FAT3: variants seen among roughly 807,000 people sequenced by gnomAD.
FAT3 encodes the protein FAT atypical cadherin 3.
In FAT3, 95 loss-of-function variants were observed where a neutral mutation model predicts 310.2. The observed-to-expected ratio is 0.31, with a 90% CI of 0.26 to 0.36. The LOEUF is 0.36. Among genes scored for constraint, FAT3 ranks in the 10% least tolerant of loss-of-function variants. The pLI is 1.00. For missense variants in FAT3, 5,408 were observed against 5,715.6 expected, an observed-to-expected ratio of 0.95 and a Z score of 1.74; for synonymous variants, 2,314 against 2,192.9, an observed-to-expected ratio of 1.06 and a Z score of -1.54.
intron 3 of FAT3, among the ~76,000 whole-genome samples, chr11:92,568,382 G>T (rs553527629): frequency 7.9e-6 from 1 of 125,986 alleles, no homozygotes; most frequent in Admixed American, 8.7e-5. Context: ...ATGGCATGAT[G>T]AGATAGTGGA....
intron 2 of FAT3, among the ~76,000 whole-genome samples, chr11:92,457,511 A>G (rs1474356295): frequency 2.0e-5 from 3 of 152,192 alleles, no homozygotes; most frequent in Non-Finnish European, 2.9e-5. Flanking sequence ...AAGAAAAACA[A>G]ACCAATGAAC....
chr11:92,805,651 A>G (rs913817048), intron 11 of FAT3, among the ~76,000 whole-genome samples: 39 of 152,240 alleles, frequency 2.6e-4, no homozygotes, highest in African/African-American at 7.7e-4. Context: ...TATTCTGTTT[A>G]AATCACTGAT....
intron 2 of FAT3, among the ~76,000 whole-genome samples, chr11:92,392,155 T>G (rs1050242392): frequency 2.0e-5 from 3 of 152,158 alleles, no homozygotes; most frequent in African/African-American, 7.2e-5. Context: ...TGGGGAGACA[T>G]GCACGCACGC....
In FAT3 at chr11:92,352,364, G is replaced by A; in HGVS notation, c.252G>A (p.Val84=). The A allele has an allele frequency of 3.1e-6, 5 of 1,601,832 alleles. No homozygotes were observed. Among genetic ancestry groups the A allele is most frequent in the Non-Finnish European group, 4.3e-6 (5 of 1,172,908 alleles). ...DLSWDIKYRI[V]SGDEEGFFKA... ...CCTGGGATATCAAATACAGAATAGTGTCCGGAGACGAGGAAGGCTTTTTCA... is the reference window on the plus strand; with the variant it reads ...CCTGGGATATCAAATACAGAATAGTATCCGGAGACGAGGAAGGCTTTTTCA... The change falls in exon 2 of 28, where the codon GTG becomes GTA. Residue 84 remains valine, a synonymous_variant. Coordinates refer to ENST00000525166, the MANE Select transcript of FAT3 (RefSeq NM_001367949.2).
intron 3 of FAT3, among the ~76,000 whole-genome samples, chr11:92,546,616 A>G (rs1162134685): frequency 1.3e-5 from 2 of 152,222 alleles, no homozygotes; most frequent in African/African-American, 4.8e-5. Flanking sequence ...ATGACCGTAC[A>G]TAGTGAAGCA....
chr11:92,352,611 A>T lies in FAT3; in HGVS notation c.499A>T (p.Ile167Leu). ...LFSPTTYSVT[I>L]AESTPLRTSV... Reference sequence around the variant, plus strand: ...TTCACCCACAACATACTCTGTTACCATAGCAGAAAGCACACCTCTAAGGAC... The same window carrying T: ...TTCACCCACAACATACTCTGTTACCTTAGCAGAAAGCACACCTCTAAGGAC... The change falls in exon 2 of 28, where the codon ATA becomes TTA. Residue 167 changes from isoleucine to leucine, a missense_variant. By Grantham distance (5) the Ile-to-Leu change is conservative. Coordinates refer to ENST00000525166, the MANE Select transcript of FAT3 (RefSeq NM_001367949.2). The T allele has an allele frequency of 6.2e-7, 1 of 1,613,876 alleles. No individual in the cohort carries two copies. The highest frequency in any genetic ancestry group is 1.1e-5 in the South Asian group (1 of 91,088).
intron 1 of FAT3, among the ~76,000 whole-genome samples, chr11:92,311,858 G>A (rs559921609): frequency 4.2e-4 from 64 of 152,232 alleles, no homozygotes; most frequent in Non-Finnish European, 8.2e-4. Context: ...TAATGTGTCA[G>A]CAGGAGGGCT....
chr11:92,477,137 A>G (rs1952070910), intron 2 of FAT3, among the ~76,000 whole-genome samples: 1 of 152,178 alleles, frequency 6.6e-6, no homozygotes, highest in Non-Finnish European at 1.5e-5. Flanking sequence ...TCTTTTGTTT[A>G]TTATTTTTAA....
At chr11:92,260,765 G>T (rs1487572976) in intron 1 of FAT3, among the ~76,000 whole-genome samples, 1 of 152,054 alleles carries the variant, frequency 6.6e-6, no homozygotes, top group Admixed American at 6.6e-5. Context: ...TACCTGAGGG[G>T]GTATGTATAG....
intron 2 of FAT3, among the ~76,000 whole-genome samples, chr11:92,457,708 G>T (rs1951527639): frequency 6.6e-6 from 1 of 152,110 alleles, no homozygotes; most frequent in African/African-American, 2.4e-5. Context: ...GATCGCCTGA[G>T]GTCAGGAGTT....
intron 2 of FAT3, among the ~76,000 whole-genome samples, chr11:92,445,138 A>T (rs1377533126): frequency 6.6e-6 from 1 of 152,200 alleles, no homozygotes; most frequent in Non-Finnish European, 1.5e-5. Flanking sequence ...TTAACCTCCC[A>T]AACTATGAGA....
At chr11:92,875,335 C>G (rs1189436426) in intron 22 of FAT3, among the ~76,000 whole-genome samples, 1 of 148,778 alleles carries the variant, frequency 6.7e-6, no homozygotes, top group Non-Finnish European at 1.5e-5. Context: ...GTTTGCTGCT[C>G]TTTCTGATAA....
At chr11:92,555,102 A>G (rs138012779) in intron 3 of FAT3, among the ~76,000 whole-genome samples, 12 of 152,154 alleles carry the variant, frequency 7.9e-5, no homozygotes, top group Non-Finnish European at 1.3e-4. Context: ...TCTTGTTTCA[A>G]TTTTTTCCCA....
chr11:92,429,158 T>G lies in FAT3; in HGVS notation c.3292+73754T>G, dbSNP rs549868192. Among the ~76,000 whole-genome samples the G allele has an allele frequency of 1.0e-3, 156 of 152,326 alleles. 1 individual carries two copies. Among genetic ancestry groups the G allele is most frequent in the African/African-American group, 3.5e-3 (145 of 41,568 alleles). On this transcript the variant is annotated intron_variant, in intron 2 of 27. Transcript: ENST00000525166. Reference sequence around the variant, plus strand: ...TGCCCTTCTTTGTCCTTTTTTATCTTTGCTGGTTTAAGGTCTGTTTTATCA... The same window carrying G: ...TGCCCTTCTTTGTCCTTTTTTATCTGTGCTGGTTTAAGGTCTGTTTTATCA...
At chr11:92,450,624 C>T (rs1220173726) in intron 2 of FAT3, among the ~76,000 whole-genome samples, 1 of 152,126 alleles carries the variant, frequency 6.6e-6, no homozygotes, top group Non-Finnish European at 1.5e-5. Context: ...TGGAATTAAA[C>T]ATGGGAATTT....
intron 1 of FAT3, among the ~76,000 whole-genome samples, chr11:92,257,301 T>G (rs1865355397): frequency 6.6e-6 from 1 of 152,096 alleles, no homozygotes. Context: ...AATTTCAGCT[T>G]GGGTCTTGTT....
chr11:92,744,401 C>G (rs1945594085), intron 4 of FAT3, among the ~76,000 whole-genome samples: 1 of 152,170 alleles, frequency 6.6e-6, no homozygotes, highest in African/African-American at 2.4e-5. Flanking sequence ...GGGTTACAAA[C>G]TCAAATGCCC....
chr11:92,317,139 C>CTGAA (rs552801390), intron 1 of FAT3, among the ~76,000 whole-genome samples: 163 of 152,208 alleles, frequency 1.1e-3, no homozygotes, highest in Admixed American at 2.0e-3. Flanking sequence ...AAAGGAAAGA[C>CTGAA]TGAATGAATG....
At chr11:92,422,665 G>A (rs1950555622) in intron 2 of FAT3, among the ~76,000 whole-genome samples, 1 of 152,152 alleles carries the variant, frequency 6.6e-6, no homozygotes, top group Admixed American at 6.6e-5. Flanking sequence ...GTTGTGTTGG[G>A]TGTAGAAGGG....
Sources: allele counts gnomAD v4.1 joint callset (sites outside exome capture counted in the v4.1 genomes callset), GRCh38; gene constraint gnomAD v4.1.1; transcripts MANE v1.5; gene names NCBI Gene and HGNC (gene_info 2026-07-23, HGNC 2026-07-21).